The following SERINC2 variants were observed in gnomAD, a reference collection of about 807,000 sequenced individuals.
The protein encoded by SERINC2 is serine incorporator 2, also known as tumor differentially expressed protein 2.
SERINC2 carries 56 observed loss-of-function variants against 54.2 expected under a neutral mutation model. That is an observed-to-expected ratio of 1.03 (90% CI 0.83 to 1.29). The LOEUF (loss-of-function observed/expected upper bound fraction) is 1.29. Among genes scored for constraint, SERINC2 ranks in the 50% most tolerant of loss-of-function variants. The pLI, the probability that SERINC2 is intolerant of heterozygous loss-of-function variation, is 0.00. For missense variants in SERINC2, 614 were observed against 607.4 expected, an observed-to-expected ratio of 1.01 and a Z score of -0.12; for synonymous variants, 272 against 253.1, an observed-to-expected ratio of 1.07 and a Z score of -0.71.
At position 31,429,490 on chromosome 1, in the gene SERINC2, C is replaced by T. The variant is rs782563144; in HGVS notation, c.965C>T (p.Pro322Leu). ...TATGAGACCCAGTGGTGGGATGCCC[C>T]GAGCATTGTGGGCCTCATCATCTTC... ...EGYETQWWDA[P>L]SIVGLIIFLL... The change falls in exon 8 of 10, where the codon CCG becomes CTG. Residue 322 changes from proline (P) to leucine (L), a missense_variant. Transcript: ENST00000373709. 17 of 1,613,642 alleles carry T rather than the reference C, an allele frequency of 1.1e-5. No homozygotes were observed. Among genetic ancestry groups the T allele is most frequent in the East Asian group, 6.7e-5 (3 of 44,880 alleles).
chr1:31,413,023 T>C (rs375464614), upstream of SERINC2: 17 of 458,620 alleles, frequency 3.7e-5, no homozygotes, highest in East Asian at 9.3e-4. The surrounding 1 kb of genome is among the most constrained non-coding windows in gnomAD (Gnocchi z 5.0). Flanking sequence ...TTGGGTCAGG[T>C]TGCGCCGCTC....
intron 2 of SERINC2, among the ~76,000 whole-genome samples, chr1:31,424,412 G>A (rs1553133200): frequency 2.0e-5 from 3 of 152,206 alleles, no homozygotes; most frequent in African/African-American, 7.2e-5. Context: ...GCTTTAGACA[G>A]CGCAATAGTT....
chr1:31,430,926 C>A (rs192093381), intron 8 of SERINC2, among the ~76,000 whole-genome samples: 113 of 152,338 alleles, frequency 7.4e-4, no homozygotes, highest in African/African-American at 2.5e-3. Context: ...TGCCCCCAGG[C>A]CCCTGGGCTA....
chr1:31,426,559 G>C, intron 5 of SERINC2, 95 bp from the exon 6 acceptor site: 1 of 986,442 alleles, frequency 1.0e-6, no homozygotes, highest in African/African-American at 1.6e-5. Flanking sequence ...AGCTGGAGAG[G>C]GGGAGAGCTG....
chr1:31,413,711 A>AGATCTCGGT lies in SERINC2; in HGVS notation c.39+408_39+409insATCTCGGTG. 1 of 1,270,676 alleles carries AGATCTCGGT rather than the reference A, an allele frequency of 7.9e-7. No homozygotes were observed. Among genetic ancestry groups the AGATCTCGGT allele is most frequent in the Non-Finnish European group, 1.0e-6 (1 of 996,960 alleles). The allele number at this position is 1,270,676 out of a possible 1,614,324, so 78.7% of individuals were successfully genotyped here. A position where few individuals can be genotyped will look rare whatever the true frequency, so the allele number is the denominator to read the frequency against. Reference sequence around the variant, plus strand: ...TCCCGGACGCCCTGGTTCTCTGTGTAGGTCGCCCGGGCCCCGTCCCTCCTG... The same window carrying AGATCTCGGT: ...TCCCGGACGCCCTGGTTCTCTGTGTAGATCTCGGTGGTCGCCCGGGCCCCGTCCCTCCTG... On this transcript the variant is annotated intron_variant, in intron 1 of 9. Coordinates refer to ENST00000373709, the MANE Select transcript of SERINC2 (RefSeq NM_178865.5). This position sits in a 1 kb window ranked among gnomAD's most constrained non-coding sequence, Gnocchi z 5.0.
chr1:31,432,951 C>T lies in SERINC2; in HGVS notation c.1014-16C>T, dbSNP rs1641358396. The stretch of plus-strand genomic sequence containing the variant: ...CCAGAGCTATCTATTTGCCCACCTT[C>T]CTCCCTCCCCTGCAGTCTGCGCTCC... On this transcript the variant is annotated splice_polypyrimidine_tract_variant and intron_variant, in intron 8 of 9. Coordinates refer to ENST00000373709, the MANE Select transcript of SERINC2 (RefSeq NM_178865.5). 2 of 1,592,280 alleles carry T rather than the reference C, an allele frequency of 1.3e-6. 1 individual carries two copies. The highest frequency in any genetic ancestry group is 1.7e-6 in the Non-Finnish European group (2 of 1,169,008).
At chr1:31,415,527 A>G (rs900386082) in intron 1 of SERINC2, among the ~76,000 whole-genome samples, 2 of 152,218 alleles carry the variant, frequency 1.3e-5, no homozygotes, top group Non-Finnish European at 2.9e-5. Context: ...TAGGCCCCAT[A>G]CAGTAGTGAG....
intron 1 of SERINC2, chr1:31,414,285 T>A: frequency 7.7e-7 from 1 of 1,306,784 alleles, no homozygotes; most frequent in South Asian, 2.3e-5. Flanking sequence ...TCTCCTTTCC[T>A]CTTCCCCTCA....
chr1:31,431,648 G>A (rs1003259703), intron 8 of SERINC2, among the ~76,000 whole-genome samples: 2 of 152,090 alleles, frequency 1.3e-5, no homozygotes, highest in Non-Finnish European at 2.9e-5. Context: ...TCTTAGCATG[G>A]TTCTTACAGC....
chr1:31,428,948 CA>C, intron 6 of SERINC2, 29 bp from the exon 7 acceptor site: 1 of 1,595,800 alleles, frequency 6.3e-7, no homozygotes, highest in Non-Finnish European at 8.6e-7. Context: ...TCTGGTCTGG[CA>C]GGGGTCTTAC....
Position 31,429,094 on chromosome 1 carries a change from G to C in SERINC2, c.871+26G>C, listed in dbSNP as rs370477292. On this transcript the variant is annotated intron_variant, in intron 7 of 9. Coordinates refer to ENST00000373709, the MANE Select transcript of SERINC2 (RefSeq NM_178865.5). ...GTAAGTATGGGCCCAGGCTCAAGGAGGCCTGGCCTCGTTCCTGGGTCAGTA... is the reference window on the plus strand; with the variant it reads ...GTAAGTATGGGCCCAGGCTCAAGGACGCCTGGCCTCGTTCCTGGGTCAGTA... 2.1e-5 allele frequency: 33 copies of C among 1,590,576 alleles called. No individual in the cohort carries two copies. In the Admixed American group the frequency reaches 5.2e-4, roughly 25 times the overall value.
chr1:31,433,156 C>CTG lies in SERINC2; in HGVS notation c.1203_1204insTG (p.Val402TrpfsTer3). 3 of 1,613,756 alleles carry CTG rather than the reference C, an allele frequency of 1.9e-6. No homozygotes were observed. Among genetic ancestry groups the CTG allele is most frequent in the Non-Finnish European group, 2.5e-6 (3 of 1,179,998 alleles). ...TCTGCCTGGTGCTGGCCTCACTGCA[C>CTG]GTCATGATGACGCTCACCAACTGGT... On this transcript the variant is annotated frameshift_variant, in exon 9 of 10. Coordinates refer to ENST00000373709, the MANE Select transcript of SERINC2 (RefSeq NM_178865.5). LOFTEE classifies it high-confidence loss of function.
intron 8 of SERINC2, among the ~76,000 whole-genome samples, chr1:31,432,011 A>ATAGGGTGGACAGGGTGGACAGGGTGGT (rs1641258435): frequency 1.0e-5 from 1 of 95,444 alleles, no homozygotes; most frequent in Non-Finnish European, 2.1e-5. Flanking sequence ...GATAGGGTGG[A>ATAGGGTGGACAGGGTGGACAGGGTGGT]TAGGGTGGAC....
At chr1:31,415,981 T>G in intron 1 of SERINC2, 2 of 903,408 alleles carry the variant, frequency 2.2e-6, no homozygotes, top group Non-Finnish European at 2.6e-6. Context: ...CGCCGGCACA[T>G]GATGACTTGG....
Position 31,433,157 on chromosome 1 carries a change from G to A in SERINC2, c.1204G>A (p.Val402Ile), listed in dbSNP as rs377048384. ...HFCLVLASLH[V>I]MMTLTNWYKP... The stretch of plus-strand genomic sequence containing the variant: ...CTGCCTGGTGCTGGCCTCACTGCAC[G>A]TCATGATGACGCTCACCAACTGGTA... Residue 402 changes from valine (V) to isoleucine (I), a missense_variant, in exon 9 of 10, where the codon GTC becomes ATC. By Grantham distance (29) the Val-to-Ile change is conservative. Coordinates refer to ENST00000373709, the MANE Select transcript of SERINC2 (RefSeq NM_178865.5). 126 of 1,613,624 alleles carry A rather than the reference G, an allele frequency of 7.8e-5. No homozygotes were observed. In the East Asian group the frequency reaches 8.2e-4, roughly 11 times the overall value.
chr1:31,429,312 G>A (rs1641130065), intron 7 of SERINC2, 85 bp from the exon 8 acceptor site: 1 of 1,489,400 alleles, frequency 6.7e-7, no homozygotes, highest in African/African-American at 1.4e-5. Context: ...GTCTATTAGG[G>A]GTGGCTCTCT....
In SERINC2 at chr1:31,425,956, G is replaced by T. The variant is rs1472726681; in HGVS notation, c.610+43G>T. On this transcript the variant is annotated intron_variant, in intron 5 of 9. Coordinates refer to ENST00000373709, the MANE Select transcript of SERINC2 (RefSeq NM_178865.5). ...GCCTCCGTGTGGGGACTCGAGCCTG[G>T]GCAGGGCTGGGGCTGCCTGAGAAAT... The T allele has an allele frequency of 6.9e-6, 11 of 1,586,664 alleles. No homozygotes were observed. The African/African-American group carries it at 1.3e-4, about 19-fold the overall frequency.
In SERINC2 at chr1:31,426,534, A is replaced by G. The variant is rs1641046102; in HGVS notation, c.611-120A>G. On this transcript the variant is annotated intron_variant, in intron 5 of 9. Transcript: ENST00000373709. ...TGAAAGGCAGTGACGTCATTCTTCA[A>G]GTGGGGAAACTGAGAGCTGGAGAGG... The G allele has an allele frequency of 1.5e-5, 11 of 751,220 alleles. No individual in the cohort carries two copies. In the East Asian group the frequency reaches 3.0e-4, roughly 20 times the overall value. 46.5% of individuals were successfully genotyped at this position (751,220 alleles called of 1,614,324 possible).
intron 8 of SERINC2, among the ~76,000 whole-genome samples, chr1:31,431,981 TGGA>T (rs1553134627): frequency 1.3e-4 from 19 of 141,336 alleles, no homozygotes; most frequent in African/African-American, 3.8e-4. Context: ...GTGGATAGGG[TGGA>T]TAGGGTGGAT....
Sources: gnomAD v4.1 joint callset for allele counts (sites outside exome capture counted in the v4.1 genomes callset) on GRCh38, gnomAD v4.1.1 for gene constraint, Gnocchi (gnomAD v3.1) non-coding constraint, MANE v1.5 for transcripts, NCBI Gene and HGNC (gene_info 2026-07-23, HGNC 2026-07-21) for gene names.